Variants in CTNND2 observed in about 807,000 individuals in gnomAD.
CTNND2 encodes the protein catenin delta 2, also known as catenin delta-2.
A neutral mutation model predicts 144.4 loss-of-function variants in CTNND2; 22 were observed. The ratio of observed to expected loss-of-function variants is 0.15; its 90% CI spans 0.11 to 0.22. CTNND2 has a LOEUF of 0.22. CTNND2 is among the 10% of genes least tolerant of loss of function. CTNND2 has a pLI of 1.00. For missense variants in CTNND2, 1,353 were observed against 1,618.8 expected (o/e 0.84, Z 2.82); for synonymous variants, 751 against 695.6 (o/e 1.08, Z -1.25).
intron 8 of CTNND2, among the ~76,000 whole-genome samples, chr5:11,362,539 T>A (rs1043360723): frequency 6.6e-6 from 1 of 152,170 alleles, no homozygotes; most frequent in African/African-American, 2.4e-5. Flanking sequence ...CTTGTGGTCC[T>A]AAGAGGTCAT....
rs26141 is a variant in CTNND2, at chr5:11,496,259, G to T, written c.287+68685C>A. Among the ~76,000 whole-genome samples, 1,047 of 152,156 alleles carry T rather than the reference G, an allele frequency of 6.9e-3. 15 individuals are homozygous for T. Among genetic ancestry groups the T allele is most frequent in the African/African-American group, 0.024 (1,003 of 41,534 alleles). On this transcript the variant is annotated intron_variant, in intron 3 of 21. Coordinates refer to ENST00000304623, the MANE Select transcript of CTNND2 (RefSeq NM_001332.4). ...AAGCCTGTGTCTTGACCTCAGAACA[G>T]TCAGGAATGAGTGGTTTCAGGTGCA...
At chr5:11,682,888 A>C (rs143288933) in intron 2 of CTNND2, among the ~76,000 whole-genome samples, 1 of 152,338 alleles carries the variant, frequency 6.6e-6, no homozygotes, top group Non-Finnish European at 1.5e-5. Context: ...AATATTACAG[A>C]AATATGCAAC....
chr5:11,000,294 G>A (rs1311146404), intron 18 of CTNND2, among the ~76,000 whole-genome samples: 1 of 152,110 alleles, frequency 6.6e-6, no homozygotes, highest in African/African-American at 2.4e-5. Flanking sequence ...AGGCCGAGGC[G>A]GGCAGATCAT....
chr5:11,378,834 G>A (rs1485983034), intron 7 of CTNND2, among the ~76,000 whole-genome samples: 2 of 152,094 alleles, frequency 1.3e-5, no homozygotes, highest in Admixed American at 6.5e-5. Flanking sequence ...TAATCAGTCA[G>A]GGAATGGGTC....
At chr5:11,323,807 G>T (rs1752279402) in intron 9 of CTNND2, among the ~76,000 whole-genome samples, 1 of 152,162 alleles carries the variant, frequency 6.6e-6, no homozygotes, top group Non-Finnish European at 1.5e-5. Flanking sequence ...TGGCATTGGG[G>T]ACATAAAGCT....
At chr5:11,493,712 T>C (rs966075565) in intron 3 of CTNND2, among the ~76,000 whole-genome samples, 3 of 152,232 alleles carry the variant, frequency 2.0e-5, no homozygotes, top group African/African-American at 7.2e-5. Context: ...TATTCAACAA[T>C]AGTTAAATTC....
chr5:11,266,961 C>T (rs1005753477), intron 9 of CTNND2, among the ~76,000 whole-genome samples: 10 of 152,350 alleles, frequency 6.6e-5, no homozygotes, highest in African/African-American at 2.4e-4. Context: ...TCACTGCAAC[C>T]TCCATCTCCA....
At chr5:11,167,354 T>C (rs1317645574) in intron 11 of CTNND2, among the ~76,000 whole-genome samples, 1 of 152,224 alleles carries the variant, frequency 6.6e-6, no homozygotes, top group African/African-American at 2.4e-5. Context: ...TTCTTGCTCA[T>C]TTTCAAAATA....
intron 11 of CTNND2, among the ~76,000 whole-genome samples, chr5:11,192,111 G>A (rs1013460354): frequency 6.6e-6 from 1 of 152,216 alleles, no homozygotes; most frequent in Non-Finnish European, 1.5e-5. Context: ...TCTGCTGCCA[G>A]TATCTAAATG....
At chr5:11,040,049 T>C (rs1744526332) in intron 16 of CTNND2, among the ~76,000 whole-genome samples, 1 of 149,388 alleles carries the variant, frequency 6.7e-6, no homozygotes, top group African/African-American at 2.5e-5. Context: ...GTTAACAGAG[T>C]GAACTCTGTC....
chr5:11,190,210 C>A (rs536782573), intron 11 of CTNND2, among the ~76,000 whole-genome samples: 1 of 152,192 alleles, frequency 6.6e-6, no homozygotes, highest in African/African-American at 2.4e-5. Context: ...TTCCTTACTG[C>A]GAATGGAGCA....
intron 12 of CTNND2, among the ~76,000 whole-genome samples, chr5:11,118,255 T>A (rs563654771): frequency 5.9e-5 from 9 of 152,278 alleles, no homozygotes; most frequent in African/African-American, 2.2e-4. Context: ...AATCTTGGGG[T>A]GCTTTTAGTT....
chr5:11,032,576 T>A (rs562593871), intron 16 of CTNND2, among the ~76,000 whole-genome samples: 1 of 152,304 alleles, frequency 6.6e-6, no homozygotes, highest in East Asian at 1.9e-4. Context: ...GTGGGAAAAG[T>A]CTCTTCTGGA....
At chr5:11,653,587 T>C (rs1343914216) in intron 2 of CTNND2, among the ~76,000 whole-genome samples, 4 of 152,122 alleles carry the variant, frequency 2.6e-5, no homozygotes, top group African/African-American at 9.6e-5. Context: ...GGGTTATGTG[T>C]GTTTTTTGTA....
intron 8 of CTNND2, among the ~76,000 whole-genome samples, chr5:11,348,437 C>CAAAAA (rs3034056): frequency 6.1e-5 from 7 of 114,706 alleles, no homozygotes; most frequent in African/African-American, 1.3e-4. Flanking sequence ...AAATCAAGGG[C>CAAAAA]AAAAAAAAAA....
chr5:11,084,919 C>T (rs1327622306), intron 15 of CTNND2, among the ~76,000 whole-genome samples: 2 of 152,250 alleles, frequency 1.3e-5, no homozygotes, highest in African/African-American at 2.4e-5. Context: ...ACCCCCTCTA[C>T]CATCATCTCA....
intron 3 of CTNND2, among the ~76,000 whole-genome samples, chr5:11,440,579 A>G (rs1442786086): frequency 6.6e-6 from 1 of 152,242 alleles, no homozygotes. Flanking sequence ...ACTGGGAAAT[A>G]GTAGCCTTGT....
chr5:11,528,000 C>T (rs1773417593), intron 3 of CTNND2, among the ~76,000 whole-genome samples: 1 of 152,084 alleles, frequency 6.6e-6, no homozygotes, highest in Non-Finnish European at 1.5e-5. Context: ...ATCATAATAA[C>T]ATAACAATAT....
At chr5:11,422,991 C>T (rs2149856901) in intron 3 of CTNND2, among the ~76,000 whole-genome samples, 1 of 152,290 alleles carries the variant, frequency 6.6e-6, no homozygotes, top group South Asian at 2.1e-4. Flanking sequence ...ATGCTCATAA[C>T]AGTACATGAG....
Sources: allele counts gnomAD v4.1 joint callset (sites outside exome capture counted in the v4.1 genomes callset), GRCh38; gene constraint gnomAD v4.1.1; transcripts MANE v1.5; gene names NCBI Gene and HGNC (gene_info 2026-07-23, HGNC 2026-07-21).